Variants in RAPGEF2 observed in about 807,000 individuals in gnomAD.
RAPGEF2 encodes the protein Rap guanine nucleotide exchange factor 2, also known as PDZ domain containing guanine nucleotide exchange factor (GEF) 1.
Under a neutral mutation model 186.7 loss-of-function variants are expected in RAPGEF2, and 54 were observed. The ratio of observed to expected loss-of-function variants is 0.29; its 90% CI spans 0.23 to 0.36. RAPGEF2 has a LOEUF of 0.36. Ranked by LOEUF, RAPGEF2 falls within the 10% of genes least tolerant of loss-of-function variation. The probability of loss-of-function intolerance (pLI) is 1.00; values close to 1 mark genes in which losing one functional copy is unlikely to be tolerated. For synonymous variants in RAPGEF2, 712 were observed against 705.9 expected (o/e 1.01, Z -0.14); for missense variants, 1,532 against 2,045.0 (o/e 0.75, Z 4.84).
chr4:159,280,033 C>G (rs543753326), intron 7 of RAPGEF2, among the ~76,000 whole-genome samples: 1 of 152,234 alleles, frequency 6.6e-6, no homozygotes, highest in African/African-American at 2.4e-5. Context: ...AGCAGGTCAC[C>G]ATGCTTATCT....
chr4:159,342,678 A>G (rs564460916), intron 20 of RAPGEF2, among the ~76,000 whole-genome samples: 113 of 151,076 alleles, frequency 7.5e-4, no homozygotes, highest in African/African-American at 2.6e-3. Flanking sequence ...AAGCACTGCT[A>G]TGTGTACATA....
intron 1 of RAPGEF2, among the ~76,000 whole-genome samples, chr4:159,167,711 A>G (rs1223097049): frequency 6.6e-6 from 1 of 152,234 alleles, no homozygotes; most frequent in Non-Finnish European, 1.5e-5. Flanking sequence ...GGCATCTAGA[A>G]TAGAGCTTGA....
chr4:159,300,711 A>G (rs1762549505), intron 7 of RAPGEF2, among the ~76,000 whole-genome samples: 1 of 152,176 alleles, frequency 6.6e-6, no homozygotes, highest in South Asian at 2.1e-4. Context: ...TTAATCTGTA[A>G]TTTAATTAAA....
At chr4:159,209,347 T>C (rs1218808309) in intron 3 of RAPGEF2, among the ~76,000 whole-genome samples, 1 of 152,212 alleles carries the variant, frequency 6.6e-6, no homozygotes, top group East Asian at 1.9e-4. Context: ...TGAGATATCA[T>C]TTTCACCAAG....
Position 159,210,543 on chromosome 4 carries a change from T to A in RAPGEF2, c.241T>A (p.Ser81Thr). 6.5e-7 allele frequency: 1 copy of A among 1,534,856 alleles called. No homozygotes were observed. The highest frequency in any genetic ancestry group is 8.7e-7 in the Non-Finnish European group (1 of 1,145,832). Residue 81 changes from serine to threonine, a missense_variant, in exon 4 of 30, where the codon TCC (serine) becomes ACC (threonine). This residue lies in a region of RAPGEF2 where 810 missense variants were observed against 1,210.5 expected (regional missense o/e 0.67). Coordinates refer to ENST00000691494, the MANE Select transcript of RAPGEF2 (RefSeq NM_001394067.2). ...CTGCTGGTATATCCTTCTTTCTGGTTCCGTGTTCATCAAGGAATCCATGTT... is the reference window on the plus strand; with the variant it reads ...CTGCTGGTATATCCTTCTTTCTGGTACCGTGTTCATCAAGGAATCCATGTT... ...GTCWYILLSG[S>T]VFIKESMFLP...
intron 3 of RAPGEF2, among the ~76,000 whole-genome samples, chr4:159,202,673 C>A (rs946604635): frequency 4.6e-5 from 7 of 152,150 alleles, no homozygotes; most frequent in African/African-American, 1.7e-4. Flanking sequence ...ATGATCTTGG[C>A]CCACTGCAAC....
chr4:159,318,093 A>G (rs1764814191), intron 9 of RAPGEF2, among the ~76,000 whole-genome samples: 1 of 152,164 alleles, frequency 6.6e-6, no homozygotes, highest in Admixed American at 6.6e-5. Flanking sequence ...TAATTGCTAC[A>G]GGGAGTAGCA....
chr4:159,202,333 T>C (rs1311401469), intron 3 of RAPGEF2, among the ~76,000 whole-genome samples: 1 of 152,174 alleles, frequency 6.6e-6, no homozygotes. Context: ...TCATATTTTG[T>C]CAGGATCATC....
intron 7 of RAPGEF2, among the ~76,000 whole-genome samples, chr4:159,277,202 C>G (rs1169228559): frequency 6.6e-6 from 1 of 151,874 alleles, no homozygotes; most frequent in Admixed American, 6.6e-5. Flanking sequence ...TGATAGTTTG[C>G]TGAGAATGAT....
At chr4:159,186,612 TA>T in intron 1 of RAPGEF2, 29 bp from the exon 2 acceptor site, 1 of 1,220,148 alleles carries the variant, frequency 8.2e-7, no homozygotes, top group Non-Finnish European at 1.1e-6. Flanking sequence ...CTGACAGGTC[TA>T]ATAATTTCTA....
chr4:159,295,645 T>C (rs1255537812), intron 7 of RAPGEF2, among the ~76,000 whole-genome samples: 1 of 151,952 alleles, frequency 6.6e-6, no homozygotes, highest in African/African-American at 2.4e-5. Flanking sequence ...CTATTGTTCT[T>C]GATGCCAGAT....
intron 3 of RAPGEF2, among the ~76,000 whole-genome samples, chr4:159,204,736 G>A (rs1180865548): frequency 1.3e-5 from 2 of 152,164 alleles, no homozygotes; most frequent in Non-Finnish European, 2.9e-5. Flanking sequence ...GTATTGAAAT[G>A]AAATCAGTTG....
intron 25 of RAPGEF2, among the ~76,000 whole-genome samples, chr4:159,349,222 C>G (rs1334990651): frequency 6.6e-6 from 1 of 152,154 alleles, no homozygotes. Context: ...CAATATCAGA[C>G]TGCTTACATG....
At position 159,162,063 on chromosome 4, in the gene RAPGEF2, C is replaced by CT. The variant is rs373029323; in HGVS notation, c.70-24578dup. Among the ~76,000 whole-genome samples, 499 of 152,114 alleles carry CT rather than the reference C, an allele frequency of 3.3e-3. 5 individuals carry two copies. The highest frequency in any genetic ancestry group is 0.012 in the African/African-American group (482 of 41,516). The stretch of plus-strand genomic sequence containing the variant: ...AATTTTGTTCATTTATATGTTGTCT[C>CT]TAACATATTTTTAAGTGTTTGTTAA... On this transcript the variant is annotated intron_variant, in intron 1 of 29. Transcript: ENST00000691494.
chr4:159,159,076 C>G (rs1246497937), intron 1 of RAPGEF2, among the ~76,000 whole-genome samples: 5 of 152,068 alleles, frequency 3.3e-5, no homozygotes, highest in African/African-American at 1.2e-4. Flanking sequence ...GTCCCAGAAT[C>G]TTACAGCAAT....
rs867784233 is a variant in RAPGEF2, at chr4:159,255,964, T to C, written c.543+12173T>C. 5.3e-5 allele frequency among the ~76,000 whole-genome samples: 8 copies of C among 152,294 alleles called. 1 individual carries two copies. The Middle Eastern group carries it at 0.01, about 194-fold the overall frequency. The stretch of plus-strand genomic sequence containing the variant: ...TTTTTATACACTTGCTCTAAGACAA[T>C]CTTTTAGTAAGCATTTCATAGATGA... On this transcript the variant is annotated intron_variant, in intron 7 of 29. Coordinates refer to ENST00000691494, the MANE Select transcript of RAPGEF2 (RefSeq NM_001394067.2).
intron 28 of RAPGEF2, among the ~76,000 whole-genome samples, chr4:159,355,052 C>T (rs981360416): frequency 6.6e-6 from 1 of 152,152 alleles, no homozygotes; most frequent in Non-Finnish European, 1.5e-5. Context: ...AAGGAGAAAA[C>T]AGTTAATAAA....
chr4:159,355,896 C>A lies in RAPGEF2; in HGVS notation c.4695C>A (p.Pro1565=). 1 of 1,555,930 alleles carries A rather than the reference C, an allele frequency of 6.4e-7. No homozygotes were observed. Residue 1565 remains proline, a synonymous_variant, in exon 29 of 30, where the codon CCC becomes CCA. Coordinates refer to ENST00000691494, the MANE Select transcript of RAPGEF2 (RefSeq NM_001394067.2). ...ATCGAGAGCCCCCGCCCACCCCTCC[C>A]GGCTACATTGGAATTCCCATTACTG... ...GRYREPPPTP[P]GYIGIPITDF...
rs137978885 is a variant in RAPGEF2, at chr4:159,144,879, G to GTTTTTTTTT, written c.69+40666_69+40674dup. On this transcript the variant is annotated intron_variant, in intron 1 of 29. Coordinates refer to ENST00000691494, the MANE Select transcript of RAPGEF2 (RefSeq NM_001394067.2). ...CTTCTTAATTTTTTTCTTTCTTCCT[G>GTTTTTTTTT]TTTTTTTTTTTTTTTTTTTTTTTTT... Among the ~76,000 whole-genome samples, 66 of 92,310 alleles carry GTTTTTTTTT rather than the reference G, an allele frequency of 7.1e-4. 10 individuals are homozygous for GTTTTTTTTT. Among genetic ancestry groups the GTTTTTTTTT allele is most frequent in the African/African-American group, 2.3e-3 (55 of 23,562 alleles). The allele number at this position is 92,310 out of a possible 152,430, so 60.6% of individuals were successfully genotyped here.
Sources: allele counts gnomAD v4.1 joint callset (sites outside exome capture counted in the v4.1 genomes callset), GRCh38; gene constraint gnomAD v4.1.1; regional missense constraint gnomAD v4.1.1; transcripts MANE v1.5; gene names NCBI Gene and HGNC (gene_info 2026-07-23, HGNC 2026-07-21).